DEPDC5: variants seen among roughly 807,000 people sequenced by gnomAD.
DEPDC5 encodes the protein GATOR1 complex protein DEPDC5.
Under a neutral mutation model 217.3 loss-of-function variants are expected in DEPDC5, and 73 were observed. The ratio of observed to expected loss-of-function variants is 0.34; its 90% CI spans 0.28 to 0.41. The LOEUF is 0.41. DEPDC5 is among the 10% of genes least tolerant of loss of function. The pLI is 1.00. For missense variants in DEPDC5, 1,675 were observed against 2,070.1 expected, an observed-to-expected ratio of 0.81 and a Z score of 3.70; for synonymous variants, 733 against 756.7, an observed-to-expected ratio of 0.97 and a Z score of 0.51.
At chr22:31,896,868 C>G (rs1239397000) in intron 39 of DEPDC5, among the ~76,000 whole-genome samples, 1 of 152,154 alleles carries the variant, frequency 6.6e-6, no homozygotes, top group Admixed American at 6.5e-5. Context: ...GCCTATAATC[C>G]TAGCATTTGG....
intron 21 of DEPDC5, chr22:31,817,355 C>G (rs1250848453): frequency 3.1e-6 from 1 of 319,484 alleles, no homozygotes; most frequent in African/African-American, 2.2e-5. Context: ...GGTGATCTGC[C>G]CACCTCAGCC....
At chr22:31,832,729 C>G (rs2090698536) in intron 24 of DEPDC5, among the ~76,000 whole-genome samples, 1 of 152,104 alleles carries the variant, frequency 6.6e-6, no homozygotes, top group Non-Finnish European at 1.5e-5. Context: ...ACTTATGTTC[C>G]TTTTGCATAT....
intron 38 of DEPDC5, among the ~76,000 whole-genome samples, chr22:31,885,006 T>G (rs1477272968): frequency 3.3e-5 from 5 of 152,238 alleles, no homozygotes; most frequent in Non-Finnish European, 7.3e-5. Flanking sequence ...TCTATGATCG[T>G]GGTTCGAGCC....
chr22:31,834,558 C>G (rs918784525), intron 25 of DEPDC5, among the ~76,000 whole-genome samples: 4 of 151,140 alleles, frequency 2.6e-5, no homozygotes, highest in Non-Finnish European at 5.9e-5. Flanking sequence ...GCTCTGTCAC[C>G]CAGGCTGGAG....
chr22:31,851,712 T>C (rs2092036481), intron 31 of DEPDC5, among the ~76,000 whole-genome samples: 1 of 152,216 alleles, frequency 6.6e-6, no homozygotes, highest in Non-Finnish European at 1.5e-5. Flanking sequence ...AGACCTTGAC[T>C]GTATGGTATG....
At chr22:31,899,273 C>G (rs1387733778) in intron 40 of DEPDC5, among the ~76,000 whole-genome samples, 1 of 152,222 alleles carries the variant, frequency 6.6e-6, no homozygotes, top group East Asian at 1.9e-4. Context: ...TGCCTCTTCT[C>G]TTTTTGTTCT....
chr22:31,842,512 T>C (rs1008820173), intron 27 of DEPDC5, among the ~76,000 whole-genome samples: 6 of 148,598 alleles, frequency 4.0e-5, no homozygotes, highest in East Asian at 2.0e-4. Context: ...GAGGTGGAGG[T>C]TGCAGTGAGC....
chr22:31,825,556 C>A (rs1208722458), intron 24 of DEPDC5, among the ~76,000 whole-genome samples: 1 of 152,110 alleles, frequency 6.6e-6, no homozygotes, highest in African/African-American at 2.4e-5. Context: ...CTCATGTCTC[C>A]CTGTTCCTCA....
intron 2 of DEPDC5, 140 bp downstream of exon 2, chr22:31,755,119 C>A: frequency 1.1e-6 from 1 of 887,082 alleles, no homozygotes; most frequent in Non-Finnish European, 1.8e-6. Flanking sequence ...AACTGTCATA[C>A]AGTAACAATA....
At chr22:31,785,504 T>C (rs2084895728) in intron 10 of DEPDC5, among the ~76,000 whole-genome samples, 1 of 151,956 alleles carries the variant, frequency 6.6e-6, no homozygotes, top group Non-Finnish European at 1.5e-5. Flanking sequence ...TGTTCACAGG[T>C]TGAAAGACTT....
intron 41 of DEPDC5, among the ~76,000 whole-genome samples, chr22:31,902,527 C>G (rs1420086660): frequency 6.6e-6 from 1 of 151,472 alleles, no homozygotes; most frequent in Non-Finnish European, 1.5e-5. Flanking sequence ...AAGGTCTACC[C>G]CTTCACAGAC....
chr22:31,837,381 C>A, intron 26 of DEPDC5: 1 of 569,434 alleles, frequency 1.8e-6, no homozygotes, highest in South Asian at 2.5e-5. Context: ...GAGAGGGTCT[C>A]ACTCTGTCGC....
intron 25 of DEPDC5, among the ~76,000 whole-genome samples, chr22:31,836,695 C>T (rs1052101222): frequency 1.4e-4 from 21 of 152,266 alleles, no homozygotes; most frequent in Middle Eastern, 3.4e-3. Context: ...ACCTGCATTG[C>T]GGCTGCAGCT....
intron 6 of DEPDC5, among the ~76,000 whole-genome samples, chr22:31,767,188 T>G (rs1187653746): frequency 6.6e-6 from 1 of 151,888 alleles, no homozygotes; most frequent in Non-Finnish European, 1.5e-5. Flanking sequence ...TTCCCCAAGC[T>G]GGAGTGAAAT....
chr22:31,905,868 G>C (rs995642288), intron 41 of DEPDC5, 116 bp from the exon 42 acceptor site: 1 of 899,912 alleles, frequency 1.1e-6, no homozygotes, highest in African/African-American at 1.7e-5. Flanking sequence ...TCTGGAAAGA[G>C]ATCTTTCCAG....
chr22:31,876,746 T>C (rs1934090282), intron 37 of DEPDC5, among the ~76,000 whole-genome samples: 1 of 152,186 alleles, frequency 6.6e-6, no homozygotes. Context: ...TCTGTGGGGT[T>C]TTTTTTCTTT....
chr22:31,777,906 C>A (rs988039535), intron 7 of DEPDC5, 193 bp from the exon 8 acceptor site: 5 of 572,606 alleles, frequency 8.7e-6, no homozygotes, highest in Non-Finnish European at 1.6e-5. Context: ...TGTCACCATG[C>A]CCGGCTAAAT....
intron 27 of DEPDC5, among the ~76,000 whole-genome samples, chr22:31,840,981 G>A (rs1445042444): frequency 6.6e-6 from 1 of 152,228 alleles, no homozygotes. Flanking sequence ...AATAACTGGG[G>A]TGCACCTAAT....
At chr22:31,887,625 A>G (rs547684939) in intron 38 of DEPDC5, among the ~76,000 whole-genome samples, 12 of 152,184 alleles carry the variant, frequency 7.9e-5, no homozygotes, top group African/African-American at 2.9e-4. Context: ...TCCTTTTGTT[A>G]GTTTTCCTGT....
Sources: allele counts gnomAD v4.1 joint callset (sites outside exome capture counted in the v4.1 genomes callset), GRCh38; gene constraint gnomAD v4.1.1; transcripts MANE v1.5; gene names NCBI Gene and HGNC (gene_info 2026-07-23, HGNC 2026-07-21).